Variants in KLHL29 observed in about 807,000 individuals in gnomAD.
KLHL29 encodes the protein kelch-like protein 29.
KLHL29 carries 21 observed loss-of-function variants against 80.4 expected under a neutral mutation model. That is an observed-to-expected ratio of 0.26 (90% confidence interval 0.19 to 0.38). KLHL29 has a LOEUF of 0.38. Among genes scored for constraint, KLHL29 ranks in the 10% least tolerant of loss-of-function variants. The probability of loss-of-function intolerance (pLI) is 1.00; values close to 1 mark genes in which losing one functional copy is unlikely to be tolerated. For synonymous variants in KLHL29, 511 were observed against 526.8 expected (o/e 0.97, Z 0.41); for missense variants, 867 against 1,223.9 (o/e 0.71, Z 4.35).
chr2:23,584,770 T>C (rs1668075313), intron 3 of KLHL29, among the ~76,000 whole-genome samples: 1 of 152,200 alleles, frequency 6.6e-6, no homozygotes, highest in Non-Finnish European at 1.5e-5. Context: ...AGAGTCTTGC[T>C]ATGTTGCCCA....
At position 23,708,001 on chromosome 2, in the gene KLHL29, G is replaced by T. The variant is rs1261455307; in HGVS notation, c.*1337G>T. On this transcript the variant is annotated 3_prime_UTR_variant, in exon 14 of 14. Coordinates refer to ENST00000486442, the MANE Select transcript of KLHL29 (RefSeq NM_052920.2). Reference sequence around the variant, plus strand: ...CATTCCAGGGCAGGAGAATGCTGCCGCCACTGCGCTGTTGAGTTGAAGTTG... The same window carrying T: ...CATTCCAGGGCAGGAGAATGCTGCCTCCACTGCGCTGTTGAGTTGAAGTTG... 6.6e-6 allele frequency: 1 copy of T among 152,186 alleles called. No individual in the cohort carries two copies. Among genetic ancestry groups the T allele is most frequent in the Non-Finnish European group, 1.5e-5 (1 of 68,032 alleles). The allele number at this position is 152,186 out of a possible 1,614,324, so 9.4% of individuals were successfully genotyped here. A position where few individuals can be genotyped will look rare whatever the true frequency, so the allele number is the denominator to read the frequency against.
chr2:23,595,578 G>A (rs894106602), intron 3 of KLHL29, among the ~76,000 whole-genome samples: 2 of 152,272 alleles, frequency 1.3e-5, no homozygotes, highest in African/African-American at 4.8e-5. Flanking sequence ...ACGCAGAGAA[G>A]GAGTGGGCAG....
At chr2:23,548,490 G>A (rs746987086) in intron 2 of KLHL29, among the ~76,000 whole-genome samples, 21 of 152,180 alleles carry the variant, frequency 1.4e-4, no homozygotes, top group African/African-American at 3.6e-4. Flanking sequence ...GAGTTAGATC[G>A]TGACCACATG....
In KLHL29 at chr2:23,558,764, G is replaced by A. The variant is rs115514664; in HGVS notation, c.-45-3388G>A. ...GGAACTTCCAGTCAGGAGACTCAGCGTTTCTTTCTGTGTCTGAGATTTTCT... is the reference window on the plus strand; with the variant it reads ...GGAACTTCCAGTCAGGAGACTCAGCATTTCTTTCTGTGTCTGAGATTTTCT... On this transcript the variant is annotated intron_variant, in intron 2 of 13. Coordinates refer to ENST00000486442, the MANE Select transcript of KLHL29 (RefSeq NM_052920.2). Among the ~76,000 whole-genome samples, 1,175 of 152,340 alleles carry A rather than the reference G, an allele frequency of 7.7e-3. 11 individuals carry two copies. Among genetic ancestry groups the A allele is most frequent in the Middle Eastern group, 0.024 (7 of 294 alleles).
intron 3 of KLHL29, among the ~76,000 whole-genome samples, chr2:23,586,287 C>T (rs934494237): frequency 2.0e-5 from 3 of 151,110 alleles, no homozygotes; most frequent in African/African-American, 7.3e-5. Context: ...TCCAGAATGT[C>T]TTTATCACCC....
intron 3 of KLHL29, among the ~76,000 whole-genome samples, chr2:23,622,818 C>T (rs2149144336): frequency 6.6e-6 from 1 of 152,358 alleles, no homozygotes; most frequent in Admixed American, 6.5e-5. Context: ...GTCCTTTGCA[C>T]ATATTAGTTC....
In KLHL29 at chr2:23,562,928, G is replaced by A. The variant is rs533637963; in HGVS notation, c.285+447G>A. Among the ~76,000 whole-genome samples the A allele has an allele frequency of 2.0e-5, 3 of 152,254 alleles. No individual in the cohort carries two copies. Among genetic ancestry groups the A allele is most frequent in the Non-Finnish European group, 4.4e-5 (3 of 68,016 alleles). ...TAAACCCACACTTTATTAACCACTG[G>A]GCCTCGTGTTCTCATATCCGTTGTC... On this transcript the variant is annotated intron_variant, in intron 3 of 13. Coordinates refer to ENST00000486442, the MANE Select transcript of KLHL29 (RefSeq NM_052920.2). This position sits in a 1 kb window ranked among gnomAD's most constrained non-coding sequence, Gnocchi z 4.5.
chr2:23,628,432 C>T (rs534947122), intron 3 of KLHL29, among the ~76,000 whole-genome samples: 4 of 152,188 alleles, frequency 2.6e-5, no homozygotes, highest in Admixed American at 2.0e-4. Flanking sequence ...GTAAAGAGCC[C>T]ACTTCTTCCC....
chr2:23,518,189 G>A (rs912867487), intron 2 of KLHL29, among the ~76,000 whole-genome samples: 3 of 152,186 alleles, frequency 2.0e-5, no homozygotes, highest in South Asian at 2.1e-4. Context: ...GACCCAGCCC[G>A]GAGGGAACCT....
chr2:23,561,446 C>G (rs1667444650), intron 2 of KLHL29, among the ~76,000 whole-genome samples: 1 of 152,084 alleles, frequency 6.6e-6, no homozygotes, highest in Non-Finnish European at 1.5e-5. Flanking sequence ...TACTCCGGGT[C>G]TCTGATGCCG....
At chr2:23,407,012 T>C (rs1666753535) in intron 1 of KLHL29, among the ~76,000 whole-genome samples, 1 of 152,272 alleles carries the variant, frequency 6.6e-6, no homozygotes, top group African/African-American at 2.4e-5. Flanking sequence ...TCATTTTCTT[T>C]CCTGCTTTTT....
chr2:23,561,554 A>G lies in KLHL29; in HGVS notation c.-45-598A>G, dbSNP rs969521194. 3.9e-5 allele frequency among the ~76,000 whole-genome samples: 6 copies of G among 152,310 alleles called. No homozygotes were observed. The South Asian group carries it at 1.0e-3, about 26-fold the overall frequency. ...TGAGTTGTGCATTTAGCTAGGATCT[A>G]AAGGCTGGGGATCCTGGACTCTTTA... On this transcript the variant is annotated intron_variant, in intron 2 of 13. Transcript: ENST00000486442.
rs1553317087 is a variant in KLHL29 at position 23,387,504 on chromosome 2, T to TTTTTTA, written c.-154+1726_-154+1727insTTTATT. On this transcript the variant is annotated intron_variant, in intron 1 of 13. Transcript: ENST00000486442. ...CAGACTTGTCCCACCTCATTCCTGA[T>TTTTTTA]TTATTATTATTATTATTATTATTAT... Among the ~76,000 whole-genome samples, 321 of 117,678 alleles carry TTTTTTA rather than the reference T, an allele frequency of 2.7e-3. 2 individuals are homozygous for TTTTTTA. Among genetic ancestry groups the TTTTTTA allele is most frequent in the African/African-American group, 6.7e-3 (233 of 34,538 alleles). The allele number at this position is 117,678 out of a possible 152,430, so 77.2% of individuals were successfully genotyped here.
chr2:23,646,628 T>C (rs1669941475), intron 5 of KLHL29, among the ~76,000 whole-genome samples: 1 of 152,168 alleles, frequency 6.6e-6, no homozygotes, highest in South Asian at 2.1e-4. Context: ...TGGGAGGCCG[T>C]ACTGGGAGAG....
chr2:23,391,488 T>G (rs543416153), intron 1 of KLHL29, among the ~76,000 whole-genome samples: 2 of 152,284 alleles, frequency 1.3e-5, no homozygotes, highest in Non-Finnish European at 2.9e-5. Context: ...AGTGCAATGG[T>G]GCAGTCTTGG....
At chr2:23,658,528 C>T (rs918664020) in intron 5 of KLHL29, among the ~76,000 whole-genome samples, 1 of 152,184 alleles carries the variant, frequency 6.6e-6, no homozygotes, top group Non-Finnish European at 1.5e-5. Context: ...GCTCCTCTGC[C>T]CAGAGGCATG....
chr2:23,463,202 G>C (rs1484102406), intron 1 of KLHL29, among the ~76,000 whole-genome samples: 1 of 147,908 alleles, frequency 6.8e-6, no homozygotes, highest in South Asian at 2.1e-4. Context: ...TCTATCCCAA[G>C]TTGAAGCAGG....
intron 3 of KLHL29, among the ~76,000 whole-genome samples, chr2:23,614,137 C>T (rs1391259253): frequency 6.6e-6 from 1 of 152,176 alleles, no homozygotes; most frequent in Non-Finnish European, 1.5e-5. Context: ...GCTTACCTAC[C>T]TATGACTTGG....
chr2:23,452,216 C>T (rs1286893027), intron 1 of KLHL29, among the ~76,000 whole-genome samples: 1 of 149,988 alleles, frequency 6.7e-6, no homozygotes, highest in Non-Finnish European at 1.5e-5. Context: ...GAGATGGGGT[C>T]TCACTGTGTT....
Sources: allele counts gnomAD v4.1 joint callset (sites outside exome capture counted in the v4.1 genomes callset), GRCh38; gene constraint gnomAD v4.1.1; non-coding constraint Gnocchi (gnomAD v3.1); transcripts MANE v1.5; gene names NCBI Gene and HGNC (gene_info 2026-07-23, HGNC 2026-07-21).